The following ZNF106 variants were observed in gnomAD, a reference collection of about 807,000 sequenced individuals.
ZNF106 encodes the protein zinc finger protein 106, also known as SH3-domain binding protein 3.
A neutral mutation model predicts 195.1 loss-of-function variants in ZNF106; 67 were observed. That is an observed-to-expected ratio of 0.34 (90% CI 0.28 to 0.42). The LOEUF is 0.42. Among genes scored for constraint, ZNF106 ranks in the 10% least tolerant of loss-of-function variants. ZNF106 has a pLI of 1.00. For synonymous variants in ZNF106, 784 were observed against 818.6 expected (o/e 0.96, Z 0.72); for missense variants, 2,118 against 2,304.5 (o/e 0.92, Z 1.66).
chr15:42,428,336 A>C (rs999274143), intron 14 of ZNF106, among the ~76,000 whole-genome samples: 1 of 152,200 alleles, frequency 6.6e-6, no homozygotes, highest in Admixed American at 6.5e-5. Context: ...TAATATGAAA[A>C]ATAAACATAA....
intron 15 of ZNF106, 98 bp from the exon 16 acceptor site, chr15:42,425,123 T>C (rs2054808238): frequency 8.2e-7 from 1 of 1,223,426 alleles, no homozygotes; most frequent in African/African-American, 1.5e-5. Flanking sequence ...CTGTCACCTG[T>C]ACTCAAATTT....
intron 6 of ZNF106, among the ~76,000 whole-genome samples, chr15:42,447,316 A>T (rs549748203): frequency 6.6e-6 from 1 of 152,300 alleles, no homozygotes; most frequent in East Asian, 1.9e-4. Context: ...GGAGTTCCAG[A>T]GCAGTATGGA....
chr15:42,488,644 T>C (rs571909732), intron 1 of ZNF106, among the ~76,000 whole-genome samples: 1 of 152,348 alleles, frequency 6.6e-6, no homozygotes, highest in Admixed American at 6.5e-5. Context: ...GAGCCATTCC[T>C]GGTCCCAGAA....
chr15:42,427,968 A>G lies in ZNF106; in HGVS notation c.4998+50T>C, dbSNP rs78901922. On this transcript the variant is annotated intron_variant, in intron 15 of 21. Transcript: ENST00000564754. ...GCTACTTCTTCCCACACATGCTCACACTGTTTTCAAGTGCATGGGAAGTAA... is the reference window on the plus strand; with the variant it reads ...GCTACTTCTTCCCACACATGCTCACGCTGTTTTCAAGTGCATGGGAAGTAA... 9.7e-3 allele frequency: 14,373 copies of G among 1,488,238 alleles called. 442 individuals are homozygous for G. Among genetic ancestry groups the G allele is most frequent in the African/African-American group, 0.078 (5,672 of 72,604 alleles). 92.2% of individuals were successfully genotyped at this position (1,488,238 alleles called of 1,614,324 possible).
At chr15:42,470,635 T>A (rs1250532769) in intron 2 of ZNF106, among the ~76,000 whole-genome samples, 1 of 152,152 alleles carries the variant, frequency 6.6e-6, no homozygotes. Context: ...TAAAAGTATG[T>A]TTGAAACCAG....
Position 42,451,392 on chromosome 15 carries a change from T to C in ZNF106, c.880A>G (p.Asn294Asp). 2 of 1,614,214 alleles carry C rather than the reference T, an allele frequency of 1.2e-6. No individual in the cohort carries two copies. The highest frequency in any genetic ancestry group is 1.7e-6 in the Non-Finnish European group (2 of 1,180,030). Residue 294 changes from asparagine (N) to aspartate (D), a missense_variant, in exon 5 of 22, where the codon AAC becomes GAC. Transcript: ENST00000564754. ...MLWNKKSNKS[N>D]KYSHDRYNWQ... Reference sequence around the variant, plus strand: ...TTATATCTGTCGTGACTGTATTTGTTTGACTTATTAGATTTCTTGTTCCAT... The same window carrying C: ...TTATATCTGTCGTGACTGTATTTGTCTGACTTATTAGATTTCTTGTTCCAT...
At chr15:42,424,672 G>C in intron 16 of ZNF106, 162 bp downstream of exon 16, 1 of 650,372 alleles carries the variant, frequency 1.5e-6, no homozygotes, top group Non-Finnish European at 2.6e-6. Flanking sequence ...TAGAGATCGA[G>C]TTTTGCCATG....
chr15:42,460,887 A>G (rs2056375609), intron 3 of ZNF106, among the ~76,000 whole-genome samples: 1 of 152,138 alleles, frequency 6.6e-6, no homozygotes, highest in Non-Finnish European at 1.5e-5. Flanking sequence ...TTAACACTAA[A>G]AATAATTTTT....
chr15:42,457,372 G>C (rs1426607620), intron 3 of ZNF106: 1 of 1,413,308 alleles, frequency 7.1e-7, no homozygotes, highest in Non-Finnish European at 9.2e-7. Flanking sequence ...GCAATCAAGA[G>C]GCAATAGACT....
intron 12 of ZNF106, among the ~76,000 whole-genome samples, chr15:42,437,915 A>AG (rs1392557038): frequency 6.6e-6 from 1 of 152,020 alleles, no homozygotes; most frequent in Admixed American, 6.6e-5. Flanking sequence ...AAAAAAAAAA[A>AG]AAAAGAAAAA....
intron 6 of ZNF106, 149 bp downstream of exon 6, chr15:42,447,923 G>T (rs2055830755): frequency 2.2e-6 from 2 of 904,732 alleles, no homozygotes; most frequent in Non-Finnish European, 3.4e-6. Flanking sequence ...TAAGAAACCA[G>T]TAGGATGAAA....
intron 3 of ZNF106, among the ~76,000 whole-genome samples, chr15:42,458,505 T>C (rs1484521362): frequency 6.6e-6 from 1 of 151,924 alleles, no homozygotes; most frequent in Non-Finnish European, 1.5e-5. Context: ...GTCAGCAGTT[T>C]GAGACCAGCC....
At chr15:42,475,187 T>C (rs1449243672) in intron 1 of ZNF106, among the ~76,000 whole-genome samples, 2 of 152,186 alleles carry the variant, frequency 1.3e-5, no homozygotes, top group Non-Finnish European at 2.9e-5. Flanking sequence ...GCATGGTGGC[T>C]CATGCCTATA....
intron 1 of ZNF106, among the ~76,000 whole-genome samples, chr15:42,483,996 G>C (rs1595500935): frequency 6.6e-6 from 1 of 152,084 alleles, no homozygotes; most frequent in Non-Finnish European, 1.5e-5. Flanking sequence ...TATCCCAATT[G>C]TGGCTATTTC....
At chr15:42,477,035 G>A (rs926743335) in intron 1 of ZNF106, among the ~76,000 whole-genome samples, 1 of 152,134 alleles carries the variant, frequency 6.6e-6, no homozygotes, top group Non-Finnish European at 1.5e-5. Flanking sequence ...TGACTTCACA[G>A]GGTATCGGTG....
intron 3 of ZNF106, among the ~76,000 whole-genome samples, chr15:42,460,565 G>T (rs1260099535): frequency 6.6e-6 from 1 of 152,192 alleles, no homozygotes; most frequent in Non-Finnish European, 1.5e-5. Flanking sequence ...CGCAATAAGT[G>T]CAGTATAAAA....
chr15:42,453,904 T>C (rs917830966), intron 4 of ZNF106, among the ~76,000 whole-genome samples: 1 of 152,182 alleles, frequency 6.6e-6, no homozygotes, highest in Admixed American at 6.5e-5. Context: ...TCCTACTTTA[T>C]AGATGAGAAA....
intron 19 of ZNF106, among the ~76,000 whole-genome samples, chr15:42,421,435 T>G (rs1392234065): frequency 1.3e-5 from 2 of 152,166 alleles, no homozygotes; most frequent in Non-Finnish European, 2.9e-5. Context: ...TGCTCTATGT[T>G]AGGCACCTGT....
At chr15:42,432,949 TTC>T (rs1453976642) in intron 14 of ZNF106, among the ~76,000 whole-genome samples, 3 of 152,124 alleles carry the variant, frequency 2.0e-5, no homozygotes, top group African/African-American at 7.2e-5. Context: ...TCCAGCCAAT[TTC>T]TGTCTTTTGA....
Sources: gnomAD v4.1 joint callset for allele counts (sites outside exome capture counted in the v4.1 genomes callset) on GRCh38, gnomAD v4.1.1 for gene constraint, MANE v1.5 for transcripts, NCBI Gene and HGNC (gene_info 2026-07-23, HGNC 2026-07-21) for gene names.